PIEZO1: variants seen among roughly 807,000 people sequenced by gnomAD.
PIEZO1 encodes piezo type mechanosensitive ion channel component 1 (Er blood group).
Under a neutral mutation model 297.2 loss-of-function variants are expected in PIEZO1, and 296 were observed. That is an observed-to-expected ratio of 1.00 (90% CI 0.91 to 1.10). PIEZO1 has a LOEUF of 1.10. Among genes scored for constraint, PIEZO1 ranks in the 50% least tolerant of loss-of-function variants. The pLI is 0.00. For missense variants in PIEZO1, 5,018 were observed against 3,455.5 expected (o/e 1.45, Z -11.34); for synonymous variants, 2,427 against 1,507.5 (o/e 1.61, Z -14.13).
At chr16:88,716,319 C>A (rs1912026684) in intron 48 of PIEZO1, 42 bp from the exon 49 acceptor site, 1 of 1,498,506 alleles carries the variant, frequency 6.7e-7, no homozygotes, top group South Asian at 1.3e-5. Context: ...CCCAGCCAAC[C>A]TGGCACAGCC....
At chr16:88,716,318 C>A (rs928486875) in intron 48 of PIEZO1, 41 bp from the exon 49 acceptor site, 1 of 1,498,178 alleles carries the variant, frequency 6.7e-7, no homozygotes. Context: ...GCCCAGCCAA[C>A]CTGGCACAGC....
At chr16:88,780,689 G>C (rs186283760) in intron 1 of PIEZO1, among the ~76,000 whole-genome samples, 79 of 152,348 alleles carry the variant, frequency 5.2e-4, no homozygotes, top group Non-Finnish European at 9.7e-4. Flanking sequence ...AGCCGGGCGC[G>C]GTGGCTCATG....
chr16:88,732,114 T>C (rs1214932905), intron 21 of PIEZO1, among the ~76,000 whole-genome samples: 1 of 151,702 alleles, frequency 6.6e-6, no homozygotes, highest in African/African-American at 2.4e-5. Context: ...CTCCAGGAGG[T>C]GGGCTGTACA....
intron 1 of PIEZO1, among the ~76,000 whole-genome samples, chr16:88,776,090 G>T (rs1044905030): frequency 2.6e-5 from 4 of 152,112 alleles, no homozygotes; most frequent in Non-Finnish European, 5.9e-5. Flanking sequence ...TTCCTTTCAG[G>T]TTAAACACGT....
chr16:88,750,278 G>A (rs1010001862), intron 1 of PIEZO1, among the ~76,000 whole-genome samples: 3 of 151,504 alleles, frequency 2.0e-5, no homozygotes, highest in African/African-American at 7.3e-5. Flanking sequence ...GGAGGTTGCA[G>A]TGAGCCGAGA....
chr16:88,778,066 C>T (rs1419061870), intron 1 of PIEZO1, among the ~76,000 whole-genome samples: 1 of 152,200 alleles, frequency 6.6e-6, no homozygotes, highest in African/African-American at 2.4e-5. Flanking sequence ...ATTGTTTTCC[C>T]CGAGGCTGGA....
In PIEZO1 at chr16:88,730,242, T is replaced by C. The variant is rs543280066; in HGVS notation, c.3196+1464A>G. On this transcript the variant is annotated intron_variant, in intron 22 of 50. Coordinates refer to ENST00000301015, the MANE Select transcript of PIEZO1 (RefSeq NM_001142864.4). ...ATTGGGCTCCCTGGAGCAATGGCTG[T>C]GAGCACAAGGCTGGGCCTGGGTAGC... 3.2e-3 allele frequency among the ~76,000 whole-genome samples: 480 copies of C among 152,316 alleles called. 1 individual carries two copies. The highest frequency in any genetic ancestry group is 0.011 in the African/African-American group (461 of 41,564).
intron 2 of PIEZO1, among the ~76,000 whole-genome samples, chr16:88,748,471 C>T (rs116389296): frequency 0.014 from 1,256 of 90,986 alleles, 22 homozygotes; most frequent in African/African-American, 0.056. Flanking sequence ...AAGGTGGTTC[C>T]CAAGGGGGGT....
At chr16:88,770,567 G>A (rs1222768344) in intron 1 of PIEZO1, among the ~76,000 whole-genome samples, 3 of 152,224 alleles carry the variant, frequency 2.0e-5, no homozygotes, top group South Asian at 2.1e-4. Flanking sequence ...CGGGGGCCCC[G>A]CCATGGGCGG....
At position 88,738,242 on chromosome 16, in the gene PIEZO1, G is replaced by A. The variant is rs921494876; in HGVS notation, c.833C>T (p.Ala278Val). 6.5e-7 allele frequency: 1 copy of A among 1,535,626 alleles called. No homozygotes were observed. Among genetic ancestry groups the A allele is most frequent in the Non-Finnish European group, 8.7e-7 (1 of 1,146,750 alleles). ...AAGCCGTTACCTAGCCCAGATGCCG[G>A]CAGGCGGGAGCAGAGCCTGTGCCAA... Reference protein sequence around the residue: ...MPLAQALLPPAGIWARVLGLK... With the variant: ...MPLAQALLPPVGIWARVLGLK... The change falls in exon 7 of 51, where the codon GCC (alanine) becomes GTC (valine). Residue 278 changes from alanine to valine, a missense_variant. Ala to Val is a moderately conservative substitution (Grantham distance 64). Transcript: ENST00000301015.
At chr16:88,759,347 G>T (rs956112904) in intron 1 of PIEZO1, among the ~76,000 whole-genome samples, 3 of 152,192 alleles carry the variant, frequency 2.0e-5, no homozygotes, top group African/African-American at 7.2e-5. Context: ...GTGAGGGCAG[G>T]CGAGGATCAG....
chr16:88,767,130 T>C (rs1308869276), intron 1 of PIEZO1, among the ~76,000 whole-genome samples: 1 of 152,216 alleles, frequency 6.6e-6, no homozygotes, highest in African/African-American at 2.4e-5. Context: ...TCTTCCCGGA[T>C]TGAGCTGCAG....
At chr16:88,747,655 G>A (rs766615990) in intron 2 of PIEZO1, among the ~76,000 whole-genome samples, 21 of 152,354 alleles carry the variant, frequency 1.4e-4, no homozygotes, top group Non-Finnish European at 2.4e-4. Flanking sequence ...GGACCCCAAT[G>A]ATGCCTGCAC....
chr16:88,731,272 C>T (rs1026852139), intron 22 of PIEZO1: 11 of 208,098 alleles, frequency 5.3e-5, no homozygotes, highest in East Asian at 5.2e-4. Flanking sequence ...GCAGAGGACA[C>T]GTTTGACGAT....
Position 88,738,562 on chromosome 16 carries a change from G to C in PIEZO1, c.634+6C>G, listed in dbSNP as rs763941227. The C allele has an allele frequency of 3.3e-6, 5 of 1,533,864 alleles. No individual in the cohort carries two copies. Among genetic ancestry groups the C allele is most frequent in the Admixed American group, 2.0e-5 (1 of 50,920 alleles). On this transcript the variant is annotated splice_donor_region_variant and intron_variant, in intron 6 of 50. Coordinates refer to ENST00000301015, the MANE Select transcript of PIEZO1 (RefSeq NM_001142864.4). ...GACTGCCAGTGCCCCCTGCCTCGGT[G>C]CGTACCTGCCAGTGCAAGCAGTGTT...
chr16:88,720,968 G>T (rs1424835534), intron 39 of PIEZO1, among the ~76,000 whole-genome samples, 198 bp downstream of exon 39: 1 of 152,170 alleles, frequency 6.6e-6, no homozygotes, highest in African/African-American at 2.4e-5. Context: ...CCCTACACGT[G>T]GGGAGCATCC....
At chr16:88,731,586 T>C in intron 22 of PIEZO1, 120 bp downstream of exon 22, 1 of 711,736 alleles carries the variant, frequency 1.4e-6, no homozygotes, top group Admixed American at 2.5e-5. Flanking sequence ...GAGGAGGGAC[T>C]GGAGGAGGCC....
intron 1 of PIEZO1, among the ~76,000 whole-genome samples, chr16:88,751,423 C>A (rs976446246): frequency 6.6e-6 from 1 of 152,216 alleles, no homozygotes; most frequent in Non-Finnish European, 1.5e-5. Flanking sequence ...TCCACCCTCC[C>A]GGAAGCAGAC....
chr16:88,739,082 G>A (rs1360624942), intron 5 of PIEZO1: 5 of 272,252 alleles, frequency 1.8e-5, no homozygotes, highest in South Asian at 1.3e-4. Context: ...CCCGAACCAC[G>A]CACCCAGGGA....
Sources: gnomAD v4.1 joint callset for allele counts (sites outside exome capture counted in the v4.1 genomes callset) on GRCh38, gnomAD v4.1.1 for gene constraint, MANE v1.5 for transcripts, NCBI Gene and HGNC (gene_info 2026-07-23, HGNC 2026-07-21) for gene names.